VMP1: variants seen among roughly 807,000 people sequenced by gnomAD.
The protein encoded by VMP1 is ectopic P-granules autophagy protein 3 homolog.
VMP1 carries 11 observed loss-of-function variants against 56.0 expected under a neutral mutation model. The observed-to-expected ratio is 0.20, with a 90% CI of 0.12 to 0.32. VMP1 has a LOEUF of 0.32. VMP1 is among the 10% of genes least tolerant of loss of function. The pLI is 1.00. For missense variants in VMP1, 296 were observed against 490.3 expected, an observed-to-expected ratio of 0.60 and a Z score of 3.74; for synonymous variants, 149 against 165.0, an observed-to-expected ratio of 0.90 and a Z score of 0.74.
rs111262775 is a variant in VMP1, at chr17:59,839,806, C to G, written c.1116C>G (p.Val372=). The G allele has an allele frequency of 8.7e-6, 14 of 1,612,834 alleles. 1 individual carries two copies. The highest frequency in any genetic ancestry group is 1.2e-5 in the Non-Finnish European group (14 of 1,179,814). ...NWLSWMFEKL[V]VVMVCYFILS... Reference sequence around the variant, plus strand: ...TGTCCTGGATGTTTGAAAAGTTGGTCGTTGTCATGGTGTGTTACTTCATCC... The same window carrying G: ...TGTCCTGGATGTTTGAAAAGTTGGTGGTTGTCATGGTGTGTTACTTCATCC... The change falls in exon 12 of 12, where the codon GTC becomes GTG. Residue 372 remains valine, a synonymous_variant. Coordinates refer to ENST00000262291, the MANE Select transcript of VMP1 (RefSeq NM_030938.5).
intron 5 of VMP1, among the ~76,000 whole-genome samples, chr17:59,758,958 C>T (rs543422267): frequency 2.0e-5 from 3 of 151,922 alleles, no homozygotes; most frequent in African/African-American, 4.8e-5. Context: ...TGGTGGTGTA[C>T]ACCTGTAGTC....
intron 5 of VMP1, among the ~76,000 whole-genome samples, chr17:59,759,903 G>GTTTTTTTTTTTTTTTTTTTT (rs58618508): frequency 1.0e-5 from 1 of 97,952 alleles, no homozygotes; most frequent in Non-Finnish European, 2.5e-5. Flanking sequence ...GTTTTTTGGT[G>GTTTTTTTTTTTTTTTTTTTT]TTTTTTTTTT....
At chr17:59,742,195 T>TACAAA (rs1164214222) in intron 5 of VMP1, among the ~76,000 whole-genome samples, 1 of 151,990 alleles carries the variant, frequency 6.6e-6, no homozygotes, top group South Asian at 2.1e-4. Context: ...TGAGAACGCC[T>TACAAA]ACAAAACAAA....
intron 6 of VMP1, among the ~76,000 whole-genome samples, chr17:59,773,054 C>T (rs2036492182): frequency 6.8e-6 from 1 of 146,858 alleles, no homozygotes; most frequent in African/African-American, 2.5e-5. Flanking sequence ...CTCCGCCTCC[C>T]AGGTTCAAGC....
At chr17:59,798,560 T>C (rs1366013184) in intron 7 of VMP1, among the ~76,000 whole-genome samples, 1 of 152,258 alleles carries the variant, frequency 6.6e-6, no homozygotes, top group East Asian at 1.9e-4. Context: ...CCATTGCTTG[T>C]GAGGTCTCAC....
chr17:59,776,998 C>T lies in VMP1; in HGVS notation c.714+3113C>T, dbSNP rs568306682. Among the ~76,000 whole-genome samples the T allele has an allele frequency of 7.9e-5, 12 of 152,244 alleles. No individual in the cohort carries two copies. The East Asian group carries it at 2.3e-3, about 29-fold the overall frequency. On this transcript the variant is annotated intron_variant, in intron 7 of 11. Coordinates refer to ENST00000262291, the MANE Select transcript of VMP1 (RefSeq NM_030938.5). ...TTACATCTCTGGCTTGCCTTCTCTC[C>T]CCTCCAACAGCCCTGTAAAAACATC...
intron 9 of VMP1, 38 bp downstream of exon 9, chr17:59,811,824 A>C: frequency 7.5e-7 from 1 of 1,325,702 alleles, no homozygotes; most frequent in South Asian, 1.2e-5. Context: ...AATGATGATG[A>C]ACCCATTACA....
chr17:59,720,064 C>T (rs934909109), intron 1 of VMP1, among the ~76,000 whole-genome samples: 12 of 152,198 alleles, frequency 7.9e-5, no homozygotes, highest in African/African-American at 2.2e-4. Context: ...AACTAACTTA[C>T]ATACGTGCAC....
chr17:59,750,636 C>T (rs1300031159), intron 5 of VMP1, among the ~76,000 whole-genome samples: 1 of 152,118 alleles, frequency 6.6e-6, no homozygotes, highest in Admixed American at 6.6e-5. Flanking sequence ...TTTTATTCAA[C>T]ATATGCTAAT....
intron 10 of VMP1, among the ~76,000 whole-genome samples, chr17:59,826,408 C>T (rs971516608): frequency 2.6e-4 from 39 of 152,048 alleles, no homozygotes; most frequent in African/African-American, 8.0e-4. Flanking sequence ...GAATTGTGGG[C>T]TAGAGGAAAG....
At chr17:59,730,569 T>C (rs571719450) in intron 1 of VMP1, among the ~76,000 whole-genome samples, 1 of 152,352 alleles carries the variant, frequency 6.6e-6, no homozygotes, top group Non-Finnish European at 1.5e-5. Flanking sequence ...CCGGCCCCAG[T>C]TGTCTTTTTA....
Position 59,752,002 on chromosome 17 carries a change from G to A in VMP1, c.415-12969G>A, listed in dbSNP as rs528004677. ...CTGGGTTTTTTTTAGGGGTAGAAAC[G>A]GGGTCTCTCCATGTTGCCCAGGCTG... On this transcript the variant is annotated intron_variant, in intron 5 of 11. Transcript: ENST00000262291. 7.2e-5 allele frequency among the ~76,000 whole-genome samples: 11 copies of A among 151,924 alleles called. No homozygotes were observed. In the South Asian group the frequency reaches 1.3e-3, roughly 17 times the overall value.
intron 10 of VMP1, among the ~76,000 whole-genome samples, chr17:59,834,310 T>A (rs921471720): frequency 6.6e-6 from 1 of 151,788 alleles, no homozygotes; most frequent in Non-Finnish European, 1.5e-5. Context: ...TTGCCCAGGG[T>A]AGAGTGCAAT....
intron 7 of VMP1, among the ~76,000 whole-genome samples, chr17:59,797,055 C>CT (rs1168608877): frequency 6.6e-6 from 1 of 152,052 alleles, no homozygotes; most frequent in Non-Finnish European, 1.5e-5. Context: ...AAAATAAGGC[C>CT]TGGCACTGTT....
chr17:59,820,846 T>G (rs2038415870), intron 10 of VMP1, among the ~76,000 whole-genome samples: 1 of 152,232 alleles, frequency 6.6e-6, no homozygotes, highest in African/African-American at 2.4e-5. Flanking sequence ...TAGCCCAGAT[T>G]CTTCTATTTC....
At chr17:59,749,005 A>AGT (rs1158193168) in intron 5 of VMP1, among the ~76,000 whole-genome samples, 1 of 150,962 alleles carries the variant, frequency 6.6e-6, no homozygotes, top group Non-Finnish European at 1.5e-5. Context: ...GCTGGAGTGC[A>AGT]GTGGTGCGAT....
At chr17:59,757,822 C>T (rs918034843) in intron 5 of VMP1, among the ~76,000 whole-genome samples, 1 of 144,378 alleles carries the variant, frequency 6.9e-6, no homozygotes, top group African/African-American at 2.6e-5. Flanking sequence ...AATAACTATA[C>T]TGAGTTACCA....
At position 59,763,199 on chromosome 17, in the gene VMP1, A is replaced by G. The variant is rs2036119253; in HGVS notation, c.415-1772A>G. ...GATAGCTATAATTGTATGAGGAGAAATGTTTCACAAACTATGCAGTTATTC... is the reference window on the plus strand; with the variant it reads ...GATAGCTATAATTGTATGAGGAGAAGTGTTTCACAAACTATGCAGTTATTC... On this transcript the variant is annotated intron_variant, in intron 5 of 11. Coordinates refer to ENST00000262291, the MANE Select transcript of VMP1 (RefSeq NM_030938.5). 2.0e-5 allele frequency among the ~76,000 whole-genome samples: 3 copies of G among 151,932 alleles called. No individual in the cohort carries two copies. The South Asian group carries it at 6.2e-4, about 31-fold the overall frequency.
intron 5 of VMP1, among the ~76,000 whole-genome samples, chr17:59,740,454 A>G (rs2143845237): frequency 6.6e-6 from 1 of 152,328 alleles, no homozygotes; most frequent in Non-Finnish European, 1.5e-5. Context: ...TCTGTGCTAT[A>G]ATGAATTCAT....
Sources: allele counts gnomAD v4.1 joint callset (sites outside exome capture counted in the v4.1 genomes callset), GRCh38; gene constraint gnomAD v4.1.1; transcripts MANE v1.5; gene names NCBI Gene and HGNC (gene_info 2026-07-23, HGNC 2026-07-21).